The following LPP variants were observed in gnomAD, a reference collection of about 807,000 sequenced individuals.
The protein encoded by LPP is lipoma-preferred partner.
Under a neutral mutation model 60.4 loss-of-function variants are expected in LPP, and 38 were observed. The observed-to-expected ratio is 0.63, with a 90% confidence interval of 0.49 to 0.83. The LOEUF (loss-of-function observed/expected upper bound fraction) is 0.83, where lower values mean the gene tolerates loss of function less well. LPP is among the 40% of genes least tolerant of loss of function. The pLI, the probability that LPP is intolerant of heterozygous loss-of-function variation, is 0.00. For missense variants in LPP, 902 were observed against 783.6 expected, an observed-to-expected ratio of 1.15 and a Z score of -1.80; for synonymous variants, 328 against 290.8, an observed-to-expected ratio of 1.13 and a Z score of -1.30.
At position 188,872,699 on chromosome 3, in the gene LPP, A is replaced by T. The variant is rs777898649; in HGVS notation, c.1646A>T (p.Gln549Leu). Residue 549 changes from glutamine to leucine, a missense_variant, in exon 11 of 12, where the codon CAG becomes CTG. Physicochemically the swap from Gln to Leu is moderately radical, Grantham distance 113 (BLOSUM62 -2). Coordinates refer to ENST00000617246, the MANE Select transcript of LPP (RefSeq NM_001375462.1). The part of the protein sequence containing the change: ...CKEPIMPAPG[Q>L]EETVRIVALD... ...GAGCCTATTATGCCAGCCCCGGGCC[A>T]GGAGGAGACTGTCCGTATTGTGGCT... The T allele has an allele frequency of 1.9e-6, 3 of 1,614,086 alleles. No individual in the cohort carries two copies. The African/African-American group carries it at 4.0e-5, about 22-fold the overall frequency.
chr3:188,282,019 T>C (rs896467012), intron 2 of LPP, among the ~76,000 whole-genome samples: 1 of 152,044 alleles, frequency 6.6e-6, no homozygotes, highest in African/African-American at 2.4e-5. Context: ...GTTTCTTCCC[T>C]TTTTTTGTGT....
Position 188,889,709 on chromosome 3 carries a change from C to T in LPP, c.*15230C>T. 1 of 220,834 alleles carries T rather than the reference C, an allele frequency of 4.5e-6. No individual in the cohort carries two copies. Among genetic ancestry groups the T allele is most frequent in the Non-Finnish European group, 9.1e-6 (1 of 110,236 alleles). The allele number at this position is 220,834 out of a possible 1,614,324, so 13.7% of individuals were successfully genotyped here. A position where few individuals can be genotyped will look rare whatever the true frequency, so the allele number is the denominator to read the frequency against. ...ATAAGGAGCCCCATTACATAAGCTA[C>T]GGGTGAGGTTGGAACAGCTATGTTT... On this transcript the variant is annotated 3_prime_UTR_variant, in exon 12 of 12. Coordinates refer to ENST00000617246, the MANE Select transcript of LPP (RefSeq NM_001375462.1).
At position 188,592,551 on chromosome 3, in the gene LPP, G is replaced by GTTTTTTTTTTTTTTTTTTTTTTTTT. The variant is rs1553936326; in HGVS notation, c.430-16605_430-16604insTTTTTTTTTTTTTTTTTTTTTTTTT. On this transcript the variant is annotated intron_variant, in intron 6 of 11. Coordinates refer to ENST00000617246, the MANE Select transcript of LPP (RefSeq NM_001375462.1). ...AATGAGTATCACTGTTTTTAGTTTTGTTTTTGTTTTTTAAATGGAGTCTCA... is the reference window on the plus strand; with the variant it reads ...AATGAGTATCACTGTTTTTAGTTTTGTTTTTTTTTTTTTTTTTTTTTTTTTTTTTTGTTTTTTAAATGGAGTCTCA... Among the ~76,000 whole-genome samples the GTTTTTTTTTTTTTTTTTTTTTTTTT allele has an allele frequency of 6.4e-4, 63 of 98,240 alleles. 15 individuals carry two copies. The highest frequency in any genetic ancestry group is 6.8e-3 in the Middle Eastern group (1 of 146). The allele number at this position is 98,240 out of a possible 152,430, so 64.4% of individuals were successfully genotyped here. A position where few individuals can be genotyped will look rare whatever the true frequency, so the allele number is the denominator to read the frequency against.
intron 1 of LPP, among the ~76,000 whole-genome samples, chr3:188,205,692 T>C (rs1212944408): frequency 6.6e-6 from 1 of 152,138 alleles, no homozygotes; most frequent in African/African-American, 2.4e-5. Context: ...GAGCTGCTTG[T>C]TAAGGAGGTA....
intron 6 of LPP, among the ~76,000 whole-genome samples, chr3:188,590,343 C>T (rs917466870): frequency 6.6e-6 from 1 of 152,052 alleles, no homozygotes; most frequent in Non-Finnish European, 1.5e-5. Context: ...GAGGCCGAGG[C>T]GGGTGGATCA....
chr3:188,826,209 G>A (rs538458137), intron 9 of LPP, among the ~76,000 whole-genome samples: 65 of 152,258 alleles, frequency 4.3e-4, no homozygotes, highest in Admixed American at 3.1e-3. Context: ...AGAAGCCTAC[G>A]CTTTCCTACT....
At chr3:188,677,795 A>G (rs1858457442) in intron 7 of LPP, among the ~76,000 whole-genome samples, 1 of 152,080 alleles carries the variant, frequency 6.6e-6, no homozygotes, top group Non-Finnish European at 1.5e-5. Context: ...CGGACTGTCC[A>G]TTGTCATCTA....
At chr3:188,375,341 C>T (rs1300155229) in intron 3 of LPP, among the ~76,000 whole-genome samples, 1 of 152,144 alleles carries the variant, frequency 6.6e-6, no homozygotes, top group Non-Finnish European at 1.5e-5. Context: ...TGGTCCTGAA[C>T]TTTTTTTGGT....
chr3:188,156,048 G>A (rs1354215150), intron 1 of LPP, among the ~76,000 whole-genome samples: 1 of 152,042 alleles, frequency 6.6e-6, no homozygotes, highest in African/African-American at 2.4e-5. Flanking sequence ...ACAAACAAAG[G>A]AGAGTGTGCA....
At chr3:188,316,538 T>C (rs1461272435) in intron 2 of LPP, among the ~76,000 whole-genome samples, 5 of 152,170 alleles carry the variant, frequency 3.3e-5, no homozygotes, top group Non-Finnish European at 7.3e-5. Context: ...ATGCCCATGA[T>C]GTTTGTGACC....
chr3:188,362,473 A>G (rs1410616031), intron 3 of LPP, among the ~76,000 whole-genome samples: 2 of 152,298 alleles, frequency 1.3e-5, no homozygotes, highest in South Asian at 2.1e-4. Context: ...TCTCACTGCC[A>G]TACTCCTTTG....
chr3:188,715,376 C>CAAAAAAAAAAAAAA, intron 8 of LPP, among the ~76,000 whole-genome samples: 1 of 63,666 alleles, frequency 1.6e-5, no homozygotes, highest in Non-Finnish European at 2.4e-5. Flanking sequence ...GACTCCGTCT[C>CAAAAAAAAAAAAAA]AAAAAAAAAA....
chr3:188,257,364 G>A (rs1732008305), intron 2 of LPP, among the ~76,000 whole-genome samples: 1 of 152,186 alleles, frequency 6.6e-6, no homozygotes, highest in African/African-American at 2.4e-5. Context: ...GAGGGTGACG[G>A]TCGTGTTACC....
chr3:188,379,854 C>T (rs1301348815), intron 3 of LPP, among the ~76,000 whole-genome samples: 1 of 152,114 alleles, frequency 6.6e-6, no homozygotes, highest in Non-Finnish European at 1.5e-5. Context: ...TTGTAAGAAA[C>T]CACGGTCTGT....
At chr3:188,602,903 A>G (rs550083532) in intron 6 of LPP, among the ~76,000 whole-genome samples, 1 of 151,964 alleles carries the variant, frequency 6.6e-6, no homozygotes, top group African/African-American at 2.4e-5. Flanking sequence ...CTTCAATTGC[A>G]TGCTTCCTAG....
At chr3:188,317,831 A>G (rs9828858) in intron 2 of LPP, among the ~76,000 whole-genome samples, 19,279 of 152,176 alleles carry the variant, frequency 0.13, 1,643 homozygotes, top group East Asian at 0.34. Flanking sequence ...ACAGGGAGAA[A>G]AGAGAGAATC....
intron 3 of LPP, among the ~76,000 whole-genome samples, chr3:188,403,377 A>C (rs996397475): frequency 6.6e-6 from 1 of 152,258 alleles, no homozygotes; most frequent in African/African-American, 2.4e-5. Context: ...TCCTATATTA[A>C]CCAATTTTTC....
chr3:188,579,542 A>C (rs1835555103), intron 6 of LPP, among the ~76,000 whole-genome samples: 1 of 152,226 alleles, frequency 6.6e-6, no homozygotes, highest in Non-Finnish European at 1.5e-5. Flanking sequence ...ACTGGACAAA[A>C]CTACACTAAA....
chr3:188,687,377 G>C (rs1397138639), intron 7 of LPP, among the ~76,000 whole-genome samples: 5 of 152,158 alleles, frequency 3.3e-5, no homozygotes. Context: ...ACCTCATCTT[G>C]AATTGTGATC....
Sources: allele counts gnomAD v4.1 joint callset (sites outside exome capture counted in the v4.1 genomes callset), GRCh38; gene constraint gnomAD v4.1.1; transcripts MANE v1.5; gene names NCBI Gene and HGNC (gene_info 2026-07-23, HGNC 2026-07-21).